Variants in ZYG11A observed in about 807,000 individuals in gnomAD.
The protein encoded by ZYG11A is zyg-11 family member A, cell cycle regulator, also known as protein zyg-11 homolog A.
ZYG11A carries 62 observed loss-of-function variants against 77.2 expected under a neutral mutation model. That is an observed-to-expected ratio of 0.80 (90% confidence interval 0.65 to 0.99). ZYG11A has a LOEUF of 0.99. ZYG11A is among the 50% of genes least tolerant of loss of function. The probability of loss-of-function intolerance (pLI) is 0.00; values close to 1 mark genes in which losing one functional copy is unlikely to be tolerated. For synonymous variants in ZYG11A, 315 were observed against 324.6 expected, an observed-to-expected ratio of 0.97 and a Z score of 0.32; for missense variants, 828 against 896.8, an observed-to-expected ratio of 0.92 and a Z score of 0.98.
intron 4 of ZYG11A, among the ~76,000 whole-genome samples, chr1:52,862,000 C>T (rs1409751246): frequency 1.3e-5 from 2 of 151,784 alleles, no homozygotes; most frequent in African/African-American, 4.8e-5. Context: ...CACCTGAGGT[C>T]AGGAATTTGA....
chr1:52,862,957 T>C (rs867468015), intron 4 of ZYG11A, among the ~76,000 whole-genome samples: 4 of 152,114 alleles, frequency 2.6e-5, no homozygotes, highest in Admixed American at 6.6e-5. Context: ...CTGTTTTTTT[T>C]GTTTTTTCTG....
intron 11 of ZYG11A, among the ~76,000 whole-genome samples, chr1:52,884,724 C>T (rs1187142731): frequency 6.6e-6 from 1 of 152,034 alleles, no homozygotes; most frequent in Non-Finnish European, 1.5e-5. Flanking sequence ...AGTTGAGGGG[C>T]AGGGGATCTC....
chr1:52,883,499 C>T (rs796146881), intron 11 of ZYG11A, among the ~76,000 whole-genome samples: 15 of 151,754 alleles, frequency 9.9e-5, no homozygotes, highest in African/African-American at 3.6e-4. Flanking sequence ...GTGATCTCAG[C>T]TCATTGCATC....
rs1258443592 is a variant in ZYG11A at position 52,854,506 on chromosome 1, T to C, written c.132T>C (p.Asn44=). ...ACACTTTGGTCAACATCTGCCTGAA[T>C]GTCCTGATTGCTAACCTGGAGAAAT... ...SPYTLVNICL[N]VLIANLEKLC... Residue 44 remains asparagine (N), a synonymous_variant, in exon 2 of 14, where the codon AAT becomes AAC. Coordinates refer to ENST00000371528, the MANE Select transcript of ZYG11A (RefSeq NM_001004339.3). The C allele has an allele frequency of 1.3e-6, 2 of 1,551,128 alleles. No individual in the cohort carries two copies. Among genetic ancestry groups the C allele is most frequent in the South Asian group, 2.4e-5 (2 of 83,768 alleles).
At chr1:52,889,614 T>G (rs1165527711) in intron 13 of ZYG11A, among the ~76,000 whole-genome samples, 3 of 152,024 alleles carry the variant, frequency 2.0e-5, no homozygotes, top group African/African-American at 7.2e-5. Flanking sequence ...AGAACATGAC[T>G]AATAAATATA....
At chr1:52,880,582 G>T (rs1019042787) in intron 10 of ZYG11A, among the ~76,000 whole-genome samples, 4 of 152,112 alleles carry the variant, frequency 2.6e-5, no homozygotes, top group Non-Finnish European at 4.4e-5. Context: ...TTATATATAT[G>T]TATCTGTCTT....
rs565919504 is a variant in ZYG11A at position 52,850,863 on chromosome 1, C to G, written c.91-3602C>G. Among the ~76,000 whole-genome samples, 7 of 152,104 alleles carry G rather than the reference C, an allele frequency of 4.6e-5. No individual in the cohort carries two copies. The South Asian group carries it at 1.5e-3, about 32-fold the overall frequency. ...ATTGTGTTCATGTTCTGTTTTAAACCCACGAATTATAATAGCCATTTTAAA... is the reference window on the plus strand; with the variant it reads ...ATTGTGTTCATGTTCTGTTTTAAACGCACGAATTATAATAGCCATTTTAAA... On this transcript the variant is annotated intron_variant, in intron 1 of 13. Coordinates refer to ENST00000371528, the MANE Select transcript of ZYG11A (RefSeq NM_001004339.3).
Position 52,870,608 on chromosome 1 carries a change from C to T in ZYG11A, c.1542+2831C>T, listed in dbSNP as rs187218839. ...GTGAACGAGACTCCATCTGCCATCC[C>T]GGCACCTTGGGAGGCCGAGGCTGGC... On this transcript the variant is annotated intron_variant, in intron 8 of 13. Coordinates refer to ENST00000371528, the MANE Select transcript of ZYG11A (RefSeq NM_001004339.3). Among the ~76,000 whole-genome samples the T allele has an allele frequency of 5.0e-3, 765 of 152,368 alleles. 12 individuals carry two copies. Among genetic ancestry groups the T allele is most frequent in the African/African-American group, 0.017 (724 of 41,588 alleles).
intron 8 of ZYG11A, among the ~76,000 whole-genome samples, chr1:52,874,043 G>A (rs1646217737): frequency 6.6e-6 from 1 of 151,922 alleles, no homozygotes; most frequent in African/African-American, 2.4e-5. Flanking sequence ...TGAAAGGAAG[G>A]GTCAATTGAT....
At chr1:52,888,688 T>TG (rs1339183222) in intron 13 of ZYG11A, among the ~76,000 whole-genome samples, 1 of 152,196 alleles carries the variant, frequency 6.6e-6, no homozygotes, top group Non-Finnish European at 1.5e-5. Context: ...CTCAGCCTGG[T>TG]GGCTCAGACT....
At chr1:52,875,876 G>A (rs981981233) in intron 8 of ZYG11A, among the ~76,000 whole-genome samples, 1 of 150,990 alleles carries the variant, frequency 6.6e-6, no homozygotes, top group African/African-American at 2.4e-5. Flanking sequence ...ATCAAATGAG[G>A]GGAGTGACAA....
intron 8 of ZYG11A, among the ~76,000 whole-genome samples, chr1:52,874,494 C>T (rs1162540162): frequency 2.0e-5 from 3 of 152,080 alleles, no homozygotes; most frequent in African/African-American, 7.2e-5. Context: ...TCAAGCGATT[C>T]TCCTGCCATT....
intron 12 of ZYG11A, 111 bp from the exon 13 acceptor site, chr1:52,886,845 C>T: frequency 3.3e-6 from 1 of 302,878 alleles, no homozygotes; most frequent in Non-Finnish European, 5.8e-6. Context: ...CCATGCCCGG[C>T]TGTGAAAATT....
chr1:52,868,266 A>G (rs1646067453), intron 8 of ZYG11A, among the ~76,000 whole-genome samples: 1 of 151,732 alleles, frequency 6.6e-6, no homozygotes, highest in East Asian at 1.9e-4. Context: ...GCCTGGCCAT[A>G]CCTCCACATT....
intron 8 of ZYG11A, among the ~76,000 whole-genome samples, chr1:52,868,879 A>G (rs1287544843): frequency 2.6e-5 from 4 of 151,848 alleles, no homozygotes; most frequent in African/African-American, 9.7e-5. Context: ...CTCGTTGCTC[A>G]TGCTAGCGTG....
Position 52,859,492 on chromosome 1 carries a change from C to T in ZYG11A, c.1009-1239C>T, listed in dbSNP as rs113087596. ...CTGGGACTATAGGCACCCACCACCA[C>T]GCCTGGCTAATTTTTTGTATTTTTA... On this transcript the variant is annotated intron_variant, in intron 3 of 13. Coordinates refer to ENST00000371528, the MANE Select transcript of ZYG11A (RefSeq NM_001004339.3). Among the ~76,000 whole-genome samples, 388 of 151,544 alleles carry T rather than the reference C, an allele frequency of 2.6e-3. 1 individual carries two copies. The highest frequency in any genetic ancestry group is 8.8e-3 in the African/African-American group (364 of 41,334).
At chr1:52,850,656 A>G (rs973032252) in intron 1 of ZYG11A, among the ~76,000 whole-genome samples, 2 of 152,070 alleles carry the variant, frequency 1.3e-5, no homozygotes, top group Non-Finnish European at 2.9e-5. Context: ...GGGTTTCACC[A>G]TGTTGGCTAG....
At chr1:52,860,651 C>T in intron 3 of ZYG11A, 80 bp from the exon 4 acceptor site, 1 of 1,443,096 alleles carries the variant, frequency 6.9e-7, no homozygotes, top group Admixed American at 2.2e-5. Context: ...ACACTGGATG[C>T]CCCAAAAACC....
chr1:52,865,138 C>CA (rs1191803657), intron 5 of ZYG11A, among the ~76,000 whole-genome samples: 5 of 151,816 alleles, frequency 3.3e-5, no homozygotes, highest in Non-Finnish European at 7.4e-5. Flanking sequence ...GATGTGGTTT[C>CA]ACCATGTTGG....
Sources: gnomAD v4.1 joint callset for allele counts (sites outside exome capture counted in the v4.1 genomes callset) on GRCh38, gnomAD v4.1.1 for gene constraint, MANE v1.5 for transcripts, NCBI Gene and HGNC (gene_info 2026-07-23, HGNC 2026-07-21) for gene names.